FBXO25: variants seen among roughly 807,000 people sequenced by gnomAD.
FBXO25 encodes F-box only protein 25.
In FBXO25, 45 loss-of-function variants were observed where a neutral mutation model predicts 51.9. The ratio of observed to expected loss-of-function variants is 0.87; its 90% confidence interval spans 0.68 to 1.11. The LOEUF (loss-of-function observed/expected upper bound fraction) is 1.11. FBXO25 is among the 50% of genes most tolerant of loss of function. FBXO25 has a pLI of 0.00. For missense variants in FBXO25, 507 were observed against 428.5 expected (o/e 1.18, Z -1.62); for synonymous variants, 199 against 151.0 (o/e 1.32, Z -2.33).
At chr8:459,762 G>A (rs573783237) in intron 8 of FBXO25, among the ~76,000 whole-genome samples, 11 of 152,270 alleles carry the variant, frequency 7.2e-5, no homozygotes, top group African/African-American at 1.9e-4. Context: ...AGGAGGCAAC[G>A]GGATCAGCCT....
rs1159691212 is a variant in FBXO25 at position 420,029 on chromosome 8, A to C, written c.134+6816A>C. Among the ~76,000 whole-genome samples the C allele has an allele frequency of 3.3e-5, 5 of 152,182 alleles. No homozygotes were observed. The East Asian group carries it at 9.6e-4, about 29-fold the overall frequency. On this transcript the variant is annotated intron_variant, in intron 2 of 9. Coordinates refer to ENST00000350302, the MANE Select transcript of FBXO25 (RefSeq NM_183420.2). ...CCATGCAAATAAGCAGAGAAAAATA[A>C]GCATGTGATGCCCAACTTAATTTAT...
intron 2 of FBXO25, among the ~76,000 whole-genome samples, chr8:414,580 A>G (rs1043226170): frequency 2.0e-5 from 3 of 152,108 alleles, no homozygotes; most frequent in African/African-American, 7.2e-5. Context: ...TCTCAAACAC[A>G]TTTTAAATGT....
Position 407,601 on chromosome 8 carries a change from T to G in FBXO25, c.-8+535T>G, listed in dbSNP as rs563194850. On this transcript the variant is annotated intron_variant, in intron 1 of 9. Transcript: ENST00000350302. ...TTGCAGGCCCGAGCTTGTGTCCGCCTCGCTGGGCAAGGTGTTTCGGGGACG... is the reference window on the plus strand; with the variant it reads ...TTGCAGGCCCGAGCTTGTGTCCGCCGCGCTGGGCAAGGTGTTTCGGGGACG... Among the ~76,000 whole-genome samples the G allele has an allele frequency of 8.4e-4, 128 of 151,710 alleles. 2 individuals are homozygous for G. Among genetic ancestry groups the G allele is most frequent in the Middle Eastern group, 6.8e-3 (2 of 292 alleles).
At chr8:458,313 G>A in intron 7 of FBXO25, 56 bp from the exon 8 acceptor site, 8 of 1,566,482 alleles carry the variant, frequency 5.1e-6, no homozygotes, top group Non-Finnish European at 7.0e-6. Context: ...TTCAGTTACT[G>A]TGTGAACAAA....
chr8:410,129 G>C (rs143628186), intron 1 of FBXO25, among the ~76,000 whole-genome samples: 7 of 152,250 alleles, frequency 4.6e-5, no homozygotes, highest in African/African-American at 1.7e-4. Flanking sequence ...CAGCTGATTT[G>C]CTTTCTGCTC....
At chr8:445,083 C>T (rs549529088) in intron 5 of FBXO25, among the ~76,000 whole-genome samples, 221 of 152,246 alleles carry the variant, frequency 1.5e-3, no homozygotes, top group Admixed American at 3.1e-3. Flanking sequence ...AATTGTCTTT[C>T]GCCCTGTTAT....
At chr8:420,333 AC>A (rs895003665) in intron 2 of FBXO25, 3 of 152,156 alleles carry the variant, frequency 2.0e-5, no homozygotes, top group Non-Finnish European at 4.4e-5. Flanking sequence ...ATGCTCTCCA[AC>A]CCTGCTACTG....
intron 8 of FBXO25, 93 bp downstream of exon 8, chr8:458,644 G>A: frequency 5.8e-6 from 7 of 1,211,908 alleles, no homozygotes; most frequent in Non-Finnish European, 8.1e-6. Context: ...GAGAAAGAAT[G>A]GCTGAGTATT....
At position 471,493 on chromosome 8, in the gene FBXO25, A is replaced by C. The variant is rs893630935; in HGVS notation, c.*2689A>C. 6.6e-6 allele frequency: 1 copy of C among 152,236 alleles called. No homozygotes were observed. The highest frequency in any genetic ancestry group is 2.4e-5 in the African/African-American group (1 of 41,462). 9.4% of individuals were successfully genotyped at this position (152,236 alleles called of 1,614,324 possible). A position where few individuals can be genotyped will look rare whatever the true frequency, so the allele number is the denominator to read the frequency against. ...GATTAAGTTACATTCTGATGCCTTC[A>C]TTACAATGAAGTAGATAATTCAGGA... On this transcript the variant is annotated 3_prime_UTR_variant, in exon 10 of 10. Transcript: ENST00000350302.
At position 475,437 on chromosome 8, in the gene FBXO25, CAT is replaced by C. The variant is rs1214584241; in HGVS notation, c.*6636_*6637del. ...GGCTGTGTGAGGTCTCTTGAGATTC[CAT>C]ATGAGTTTCAGGATGGAAAAAAAAA... On this transcript the variant is annotated 3_prime_UTR_variant, in exon 10 of 10. Coordinates refer to ENST00000350302, the MANE Select transcript of FBXO25 (RefSeq NM_183420.2). 1 of 152,086 alleles carries C rather than the reference CAT, an allele frequency of 6.6e-6. No individual in the cohort carries two copies. Among genetic ancestry groups the C allele is most frequent in the Non-Finnish European group, 1.4e-5 (1 of 69,052 alleles). The allele number at this position is 152,086 out of a possible 1,614,324, so 9.4% of individuals were successfully genotyped here. A position where few individuals can be genotyped will look rare whatever the true frequency, so the allele number is the denominator to read the frequency against.
chr8:451,631 T>G (rs187764713), intron 7 of FBXO25, among the ~76,000 whole-genome samples, 178 bp downstream of exon 7: 40 of 152,330 alleles, frequency 2.6e-4, no homozygotes, highest in African/African-American at 8.9e-4. Context: ...GGCTTATAGT[T>G]GCTATTGGAA....
intron 8 of FBXO25, among the ~76,000 whole-genome samples, chr8:460,113 C>T (rs111954531): frequency 8.5e-5 from 13 of 152,206 alleles, no homozygotes; most frequent in African/African-American, 3.1e-4. Context: ...GGGATGAGCC[C>T]TCTGCCTCCC....
At chr8:434,060 C>A (rs1797967282) in intron 4 of FBXO25, among the ~76,000 whole-genome samples, 1 of 152,210 alleles carries the variant, frequency 6.6e-6, no homozygotes. Context: ...AAAGGAGGAT[C>A]TTCTTGTGAG....
At chr8:435,517 C>G (rs1207096454) in intron 4 of FBXO25, 98 bp from the exon 5 acceptor site, 20 of 1,248,944 alleles carry the variant, frequency 1.6e-5, no homozygotes, top group Non-Finnish European at 2.1e-5. Context: ...ACAAATTGTC[C>G]TTTGCCAAAA....
intron 5 of FBXO25, among the ~76,000 whole-genome samples, chr8:449,514 G>A (rs1167335313): frequency 1.3e-5 from 2 of 152,204 alleles, no homozygotes; most frequent in African/African-American, 4.8e-5. Context: ...GAGTTTTGGT[G>A]TTGTGTTTCC....
At position 433,278 on chromosome 8, in the gene FBXO25, A is replaced by G. The variant is rs555474235; in HGVS notation, c.288+343A>G. On this transcript the variant is annotated intron_variant, in intron 4 of 9. Transcript: ENST00000350302. ...TGTGGGATGTATGGTGTGTGGTGGC[A>G]TGTGGTATATGTGTGCAGTGTGTGG... is the stretch of plus-strand genomic sequence containing the variant. 4.2e-3 allele frequency among the ~76,000 whole-genome samples: 621 copies of G among 147,506 alleles called. 1 individual carries two copies. The highest frequency in any genetic ancestry group is 0.016 in the African/African-American group (596 of 37,052).
intron 3 of FBXO25, 74 bp from the exon 4 acceptor site, chr8:432,812 A>G (rs1797892478): frequency 1.4e-6 from 2 of 1,429,704 alleles, no homozygotes; most frequent in Non-Finnish European, 1.9e-6. Context: ...ATGTCCAATT[A>G]TTTAAATTCC....
chr8:426,034 G>A (rs1256631405), intron 2 of FBXO25, among the ~76,000 whole-genome samples: 5 of 151,924 alleles, frequency 3.3e-5, no homozygotes, highest in East Asian at 1.9e-4. Flanking sequence ...TCTTCTGCCC[G>A]CCTCTACCAG....
At chr8:460,947 A>T (rs951981246) in intron 8 of FBXO25, among the ~76,000 whole-genome samples, 4 of 152,210 alleles carry the variant, frequency 2.6e-5, no homozygotes, top group African/African-American at 9.6e-5. Flanking sequence ...TATACAAGTG[A>T]TTGTTTTTAG....
Sources: gnomAD v4.1 joint callset for allele counts (sites outside exome capture counted in the v4.1 genomes callset) on GRCh38, gnomAD v4.1.1 for gene constraint, MANE v1.5 for transcripts, NCBI Gene and HGNC (gene_info 2026-07-23, HGNC 2026-07-21) for gene names.